DIP2C: variants seen among roughly 807,000 people sequenced by gnomAD.
The protein encoded by DIP2C is DIP2 acetate--CoA ligase C (putative), also known as disco-interacting protein 2 homolog C.
In DIP2C, 33 loss-of-function variants were observed where a neutral mutation model predicts 192.4. The ratio of observed to expected loss-of-function variants is 0.17; its 90% CI spans 0.13 to 0.23. The LOEUF is 0.23. Among genes scored for constraint, DIP2C ranks in the 10% least tolerant of loss-of-function variants. The pLI is 1.00. For missense variants in DIP2C, 1,537 were observed against 2,110.1 expected (o/e 0.73, Z 5.32); for synonymous variants, 979 against 864.1 (o/e 1.13, Z -2.33).
intron 1 of DIP2C, chr10:665,704 C>T (rs1857048012): frequency 6.6e-6 from 1 of 152,316 alleles, no homozygotes; most frequent in Admixed American, 6.6e-5. Context: ...GCGCCAGATT[C>T]CCACACTGGA....
intron 1 of DIP2C, among the ~76,000 whole-genome samples, chr10:510,575 G>A (rs905812458): frequency 2.6e-5 from 4 of 152,232 alleles, no homozygotes; most frequent in Admixed American, 1.3e-4. Flanking sequence ...TTACTGCAGG[G>A]TCAGAGCCAA....
chr10:400,518 G>A (rs1010602445), intron 9 of DIP2C, among the ~76,000 whole-genome samples: 12 of 152,200 alleles, frequency 7.9e-5, no homozygotes, highest in African/African-American at 2.4e-4. Context: ...GGACAAGTTT[G>A]GTACATTTTC....
chr10:576,628 G>T (rs964536886), intron 1 of DIP2C, among the ~76,000 whole-genome samples: 1 of 152,174 alleles, frequency 6.6e-6, no homozygotes, highest in African/African-American at 2.4e-5. Flanking sequence ...AGAAGATCAG[G>T]CCAGGGATGG....
chr10:281,575 T>C (rs933103727), intron 35 of DIP2C, among the ~76,000 whole-genome samples: 2 of 152,204 alleles, frequency 1.3e-5, no homozygotes, highest in African/African-American at 4.8e-5. Context: ...TGGGAGAAGA[T>C]CTTTCCTGGC....
chr10:340,850 T>C (rs1184024823), intron 29 of DIP2C: 1 of 464,914 alleles, frequency 2.2e-6, no homozygotes, highest in Non-Finnish European at 4.3e-6. Flanking sequence ...CAGCCTGCAA[T>C]GCCTGCTGGC....
At chr10:375,310 T>G (rs1446617197) in intron 17 of DIP2C, among the ~76,000 whole-genome samples, 1 of 152,204 alleles carries the variant, frequency 6.6e-6, no homozygotes, top group African/African-American at 2.4e-5. Flanking sequence ...CCATGTGACA[T>G]GCAGGCTCCC....
chr10:449,782 T>TAAAAAAAAAAA (rs59436219), intron 3 of DIP2C, among the ~76,000 whole-genome samples: 1 of 127,248 alleles, frequency 7.9e-6, no homozygotes. Flanking sequence ...AAAGTATAAT[T>TAAAAAAAAAAA]AAAAAAAAAA....
At chr10:337,462 G>A (rs1957888622) in intron 29 of DIP2C, among the ~76,000 whole-genome samples, 1 of 145,944 alleles carries the variant, frequency 6.9e-6, no homozygotes, top group African/African-American at 2.5e-5. Flanking sequence ...GTGTGTTGTG[G>A]AGGCCTAAGC....
intron 3 of DIP2C, among the ~76,000 whole-genome samples, chr10:460,483 T>C (rs903449728): frequency 6.6e-6 from 1 of 152,130 alleles, no homozygotes; most frequent in Admixed American, 6.5e-5. Flanking sequence ...GGTTTAGAAA[T>C]GAAATGAGAA....
At chr10:398,192 T>C (rs1964144541) in intron 10 of DIP2C, among the ~76,000 whole-genome samples, 1 of 152,192 alleles carries the variant, frequency 6.6e-6, no homozygotes, top group Non-Finnish European at 1.5e-5. Context: ...GAGAATTAAC[T>C]AAGAGTCTGG....
chr10:329,508 G>A lies in DIP2C; in HGVS notation c.3678C>T (p.Val1226=), dbSNP rs1016505097. ...LWLLAVSQYK[V]RDTFCSYSVM... is the part of the protein sequence containing the mutation. ...CGGAGTAGGAGCAAAACGTGTCTCG[G>A]ACTTTGTACTGACTCACGGCAAGAA... The change falls in exon 30 of 37, where the codon GTC becomes GTT. Residue 1226 remains valine (V), a synonymous_variant. Transcript: ENST00000280886. 6 of 1,614,222 alleles carry A rather than the reference G, an allele frequency of 3.7e-6. No homozygotes were observed. The highest frequency in any genetic ancestry group is 5.1e-6 in the Non-Finnish European group (6 of 1,180,028).
intron 32 of DIP2C, among the ~76,000 whole-genome samples, chr10:292,248 C>T (rs781483646): frequency 1.3e-5 from 2 of 152,234 alleles, no homozygotes; most frequent in Non-Finnish European, 2.9e-5. Context: ...ACTGCTGACA[C>T]CCTTCCCTAG....
intron 18 of DIP2C, among the ~76,000 whole-genome samples, chr10:367,307 C>T (rs931102967): frequency 2.6e-5 from 4 of 151,870 alleles, no homozygotes; most frequent in African/African-American, 4.8e-5. Flanking sequence ...GTCCCAGCTC[C>T]TCGGGAGGCG....
At chr10:573,138 T>G (rs74115063) in intron 1 of DIP2C, among the ~76,000 whole-genome samples, 141 of 152,296 alleles carry the variant, frequency 9.3e-4, no homozygotes, top group African/African-American at 3.3e-3. Context: ...CTGTGTCTGC[T>G]GTCATAATGC....
intron 36 of DIP2C, among the ~76,000 whole-genome samples, chr10:279,305 A>G (rs559159373): frequency 1.3e-5 from 2 of 152,288 alleles, no homozygotes; most frequent in African/African-American, 4.8e-5. Flanking sequence ...TCTCAGGCGC[A>G]TTTGGTATAC....
rs574074941 is a variant in DIP2C at position 472,979 on chromosome 10, T to G, written c.158-430A>C. On this transcript the variant is annotated intron_variant, in intron 2 of 36. Transcript: ENST00000280886. Reference sequence around the variant, plus strand: ...TTTGTTATTAAAGTAATTGTTAAAATAAATCTTAGATAATAATTTAACAAT... The same window carrying G: ...TTTGTTATTAAAGTAATTGTTAAAAGAAATCTTAGATAATAATTTAACAAT... 5.3e-5 allele frequency among the ~76,000 whole-genome samples: 8 copies of G among 152,358 alleles called. No homozygotes were observed. In the East Asian group the frequency reaches 1.5e-3, roughly 29 times the overall value.
chr10:683,826 A>T (rs988323247), intron 1 of DIP2C, among the ~76,000 whole-genome samples: 18 of 152,316 alleles, frequency 1.2e-4, no homozygotes, highest in Non-Finnish European at 2.5e-4. Context: ...TCACTGATTA[A>T]AAAAAATCAG....
intron 1 of DIP2C, among the ~76,000 whole-genome samples, chr10:673,088 T>A (rs1191452151): frequency 6.6e-6 from 1 of 152,142 alleles, no homozygotes; most frequent in Non-Finnish European, 1.5e-5. Flanking sequence ...CCGGCCTTGC[T>A]GCTCAGCTGG....
chr10:333,774 G>A (rs1307601262), intron 29 of DIP2C, among the ~76,000 whole-genome samples: 2 of 152,144 alleles, frequency 1.3e-5, no homozygotes, highest in Non-Finnish European at 2.9e-5. Flanking sequence ...CTGTTGCTTT[G>A]CAGTGTAAGT....
Sources: allele counts gnomAD v4.1 joint callset (sites outside exome capture counted in the v4.1 genomes callset), GRCh38; gene constraint gnomAD v4.1.1; transcripts MANE v1.5; gene names NCBI Gene and HGNC (gene_info 2026-07-23, HGNC 2026-07-21).